Variants in CFAP54 observed in about 807,000 individuals in gnomAD.
The protein encoded by CFAP54 is cilia and flagella associated protein 54.
In CFAP54, 290 loss-of-function variants were observed where a neutral mutation model predicts 370.4. The observed-to-expected ratio is 0.78, with a 90% CI of 0.71 to 0.86. The LOEUF is 0.86. CFAP54 is among the 40% of genes least tolerant of loss of function. The probability of loss-of-function intolerance (pLI) is 0.00; values close to 1 mark genes in which losing one functional copy is unlikely to be tolerated. For missense variants in CFAP54, 3,399 were observed against 3,528.7 expected, an observed-to-expected ratio of 0.96 and a Z score of 0.93; for synonymous variants, 1,206 against 1,236.5, an observed-to-expected ratio of 0.98 and a Z score of 0.52.
intron 50 of CFAP54, among the ~76,000 whole-genome samples, chr12:96,735,123 CCT>C (rs1441633979): frequency 1.3e-5 from 2 of 152,046 alleles, no homozygotes; most frequent in African/African-American, 2.4e-5. Context: ...GGTAATATTC[CCT>C]GATAGGTTCT....
At chr12:96,710,116 T>G (rs1408679305) in intron 48 of CFAP54, among the ~76,000 whole-genome samples, 1 of 152,212 alleles carries the variant, frequency 6.6e-6, no homozygotes, top group Non-Finnish European at 1.5e-5. Context: ...TTTCTTGTAG[T>G]GTCTTTGTCT....
intron 63 of CFAP54, among the ~76,000 whole-genome samples, chr12:96,806,094 A>G (rs1319134255): frequency 4.3e-5 from 6 of 140,312 alleles, no homozygotes; most frequent in African/African-American, 7.8e-5. Flanking sequence ...AAAATTACCT[A>G]TTGGGTACAA....
intron 14 of CFAP54, among the ~76,000 whole-genome samples, chr12:96,542,722 A>G (rs1955590233): frequency 6.6e-6 from 1 of 152,196 alleles, no homozygotes. Context: ...CCACAGTGCC[A>G]TTATTATTAT....
intron 1 of CFAP54, among the ~76,000 whole-genome samples, chr12:96,497,468 A>G (rs1300068242): frequency 6.6e-6 from 1 of 152,218 alleles, no homozygotes; most frequent in Non-Finnish European, 1.5e-5. Flanking sequence ...CAGCTCAGAA[A>G]TAGACTCACA....
intron 66 of CFAP54, among the ~76,000 whole-genome samples, chr12:96,855,779 C>T (rs756913477): frequency 6.6e-5 from 10 of 152,160 alleles, no homozygotes; most frequent in African/African-American, 1.4e-4. Context: ...CAGTGCAAGC[C>T]GTCAGTGGAT....
intron 66 of CFAP54, among the ~76,000 whole-genome samples, chr12:96,855,402 C>T (rs1959673378): frequency 1.3e-5 from 2 of 152,318 alleles, no homozygotes; most frequent in Non-Finnish European, 2.9e-5. Context: ...ACTCCAAAGT[C>T]TCATCTGAGA....
chr12:96,787,688 T>C (rs1036316503), intron 62 of CFAP54, among the ~76,000 whole-genome samples: 2 of 152,170 alleles, frequency 1.3e-5, no homozygotes, highest in African/African-American at 4.8e-5. Context: ...GGAGAAAGGA[T>C]GGATAAAGCG....
intron 50 of CFAP54, among the ~76,000 whole-genome samples, chr12:96,725,689 C>A (rs1437618978): frequency 6.6e-6 from 1 of 152,198 alleles, no homozygotes; most frequent in Non-Finnish European, 1.5e-5. Context: ...CCTGATTGCC[C>A]TGGCCAGAAC....
chr12:96,685,312 A>T, intron 42 of CFAP54, 74 bp downstream of exon 42: 1 of 1,337,194 alleles, frequency 7.5e-7, no homozygotes, highest in Non-Finnish European at 1.1e-6. Flanking sequence ...TGCCATACAA[A>T]GTGCTATGCC....
intron 17 of CFAP54, among the ~76,000 whole-genome samples, chr12:96,555,611 A>G (rs577844787): frequency 8.9e-4 from 133 of 149,604 alleles, no homozygotes; most frequent in Non-Finnish European, 1.4e-3. Flanking sequence ...TTTCTATACA[A>G]CAGCAGTTAG....
At position 96,723,079 on chromosome 12, in the gene CFAP54, G is replaced by A. The variant is rs116663547; in HGVS notation, c.6965+2514G>A. On this transcript the variant is annotated intron_variant, in intron 50 of 67. Transcript: ENST00000524981. ...TAAAGAAAAGATAAATGTGTAAGGTGATGGATATACCAATCACTGCTATTT... is the reference window on the plus strand; with the variant it reads ...TAAAGAAAAGATAAATGTGTAAGGTAATGGATATACCAATCACTGCTATTT... Among the ~76,000 whole-genome samples, 399 of 152,208 alleles carry A rather than the reference G, an allele frequency of 2.6e-3. 2 individuals are homozygous for A. Among genetic ancestry groups the A allele is most frequent in the African/African-American group, 9.4e-3 (389 of 41,510 alleles).
intron 24 of CFAP54, among the ~76,000 whole-genome samples, chr12:96,594,041 T>TA (rs994548140): frequency 6.6e-6 from 1 of 152,116 alleles, no homozygotes; most frequent in Admixed American, 6.6e-5. Context: ...AGCTTATTGA[T>TA]AAAAAAACTG....
intron 38 of CFAP54, 85 bp from the exon 39 acceptor site, chr12:96,663,744 TA>T: frequency 2.2e-6 from 2 of 915,134 alleles, no homozygotes; most frequent in Non-Finnish European, 3.4e-6. Flanking sequence ...TTCTGATAAA[TA>T]AAAAATGAGA....
chr12:96,555,259 G>C (rs959287055), intron 17 of CFAP54, among the ~76,000 whole-genome samples: 3 of 151,948 alleles, frequency 2.0e-5, no homozygotes, highest in Non-Finnish European at 2.9e-5. Flanking sequence ...AAATAAGAAA[G>C]TCAGAGATGA....
intron 65 of CFAP54, among the ~76,000 whole-genome samples, chr12:96,827,586 GTTATATGTGATTATATATAGTGTGCAA>G (rs1555340669): frequency 4.6e-3 from 48 of 10,364 alleles, no homozygotes; most frequent in East Asian, 0.037. Context: ...ATAGTGTGCA[GTTATATGTGATTATATATAGTGTGCAA>G]TTATATGTGA....
chr12:96,536,987 A>ACAGTT (rs1555228839), intron 12 of CFAP54, among the ~76,000 whole-genome samples: 2 of 147,412 alleles, frequency 1.4e-5, no homozygotes, highest in Admixed American at 6.7e-5. Flanking sequence ...TCAATTCAAT[A>ACAGTT]CAATTCAATT....
intron 60 of CFAP54, among the ~76,000 whole-genome samples, chr12:96,768,920 T>C (rs1277635834): frequency 1.3e-5 from 2 of 152,160 alleles, no homozygotes; most frequent in East Asian, 3.8e-4. Context: ...ACAGGAGCAT[T>C]ATGACAGAAT....
chr12:96,589,708 C>T, intron 23 of CFAP54, 145 bp downstream of exon 23: 2 of 595,374 alleles, frequency 3.4e-6, no homozygotes, highest in Non-Finnish European at 5.8e-6. Context: ...TAAGAGTATG[C>T]ATTGCAAGGT....
At chr12:96,543,276 G>A (rs1955597415) in intron 14 of CFAP54, among the ~76,000 whole-genome samples, 2 of 152,198 alleles carry the variant, frequency 1.3e-5, no homozygotes, top group Admixed American at 1.3e-4. Flanking sequence ...CTTATCCAGG[G>A]AAGCACAGTG....
Sources: allele counts gnomAD v4.1 joint callset (sites outside exome capture counted in the v4.1 genomes callset), GRCh38; gene constraint gnomAD v4.1.1; transcripts MANE v1.5; gene names NCBI Gene and HGNC (gene_info 2026-07-23, HGNC 2026-07-21).